The following PRKN variants were observed in gnomAD, a reference collection of about 807,000 sequenced individuals.
PRKN encodes E3 ubiquitin-protein ligase parkin.
A neutral mutation model predicts 59.5 loss-of-function variants in PRKN; 56 were observed. The observed-to-expected ratio is 0.94, with a 90% confidence interval of 0.76 to 1.18. PRKN has a LOEUF of 1.18. Ranked by LOEUF, PRKN falls within the 50% of genes most tolerant of loss-of-function variation. PRKN has a pLI of 0.00. For synonymous variants in PRKN, 250 were observed against 222.1 expected, an observed-to-expected ratio of 1.13 and a Z score of -1.12; for missense variants, 657 against 596.4, an observed-to-expected ratio of 1.10 and a Z score of -1.06.
intron 1 of PRKN, chr6:162,568,587 GAGCAGATCA>G (rs1780184840): frequency 1.2e-6 from 1 of 824,688 alleles, no homozygotes. Flanking sequence ...GAAGGAGAAG[GAGCAGATCA>G]GGACCCTCAA....
At chr6:162,002,592 T>C (rs368196712) in intron 5 of PRKN, among the ~76,000 whole-genome samples, 1 of 134,410 alleles carries the variant, frequency 7.4e-6, no homozygotes. Context: ...TTTTTTTTTT[T>C]GCTTCATTCA....
intron 5 of PRKN, among the ~76,000 whole-genome samples, chr6:161,997,966 C>A (rs192949769): frequency 6.6e-6 from 1 of 152,034 alleles, no homozygotes; most frequent in East Asian, 1.9e-4. Context: ...GCTTTGATGA[C>A]CTTCATAACC....
At chr6:162,009,379 TA>T (rs68154996) in intron 5 of PRKN, among the ~76,000 whole-genome samples, 72,435 of 151,496 alleles carry the variant, frequency 0.48, 17,744 homozygotes, top group East Asian at 0.6. Flanking sequence ...CAGAACACTG[TA>T]CAGAAATTAT....
At chr6:162,388,804 C>T (rs894567897) in intron 2 of PRKN, among the ~76,000 whole-genome samples, 6 of 152,030 alleles carry the variant, frequency 3.9e-5, no homozygotes, top group African/African-American at 1.4e-4. Context: ...AGCATCTGGC[C>T]CAGCATCTGG....
At chr6:162,109,889 T>A (rs1428981516) in intron 4 of PRKN, among the ~76,000 whole-genome samples, 3 of 152,174 alleles carry the variant, frequency 2.0e-5, no homozygotes, top group Admixed American at 1.3e-4. Context: ...ATATACAATA[T>A]CCCCAAGCTT....
chr6:161,695,930 T>C (rs1410901455), intron 7 of PRKN, among the ~76,000 whole-genome samples: 5 of 152,240 alleles, frequency 3.3e-5, no homozygotes, highest in Admixed American at 6.5e-5. Flanking sequence ...TCTGATTACA[T>C]AGTGGACTGG....
intron 9 of PRKN, among the ~76,000 whole-genome samples, chr6:161,522,627 T>C (rs503890): frequency 0.83 from 126,408 of 152,246 alleles, 52,813 homozygotes; most frequent in Middle Eastern, 0.87. Flanking sequence ...GAGAAGTACA[T>C]GACAGAAGAC....
At chr6:162,539,467 C>G (rs1313668244) in intron 1 of PRKN, among the ~76,000 whole-genome samples, 2 of 152,128 alleles carry the variant, frequency 1.3e-5, no homozygotes, top group Non-Finnish European at 2.9e-5. Flanking sequence ...CTCTATTGCA[C>G]CTACAGCTTC....
chr6:161,916,558 G>A (rs990807140), intron 6 of PRKN, among the ~76,000 whole-genome samples: 2 of 152,172 alleles, frequency 1.3e-5, no homozygotes, highest in African/African-American at 4.8e-5. Flanking sequence ...CTGTTATGAG[G>A]CTACTGCAAT....
chr6:162,612,149 C>T (rs547699924), intron 1 of PRKN, among the ~76,000 whole-genome samples: 15 of 143,124 alleles, frequency 1.0e-4, no homozygotes, highest in South Asian at 4.5e-4. Context: ...GCTGAGATCG[C>T]GCCACTGCAC....
intron 1 of PRKN, among the ~76,000 whole-genome samples, chr6:162,616,301 T>G (rs1782414094): frequency 6.6e-6 from 1 of 152,154 alleles, no homozygotes; most frequent in Non-Finnish European, 1.5e-5. Context: ...CTTGCCTACT[T>G]TATTCTTATT....
chr6:162,627,628 G>A (rs371177395), intron 1 of PRKN, among the ~76,000 whole-genome samples: 1 of 152,066 alleles, frequency 6.6e-6, no homozygotes, highest in Non-Finnish European at 1.5e-5. Flanking sequence ...GGTAAAATGG[G>A]GCAGTTAGGC....
chr6:162,216,374 C>CAAAA (rs770518479), intron 3 of PRKN, among the ~76,000 whole-genome samples: 1 of 150,734 alleles, frequency 6.6e-6, no homozygotes, highest in Non-Finnish European at 1.5e-5. Flanking sequence ...ACTAAAAATA[C>CAAAA]AAAAAATTAG....
In PRKN at chr6:161,390,873, G is replaced by A. The variant is rs180924328; in HGVS notation, c.1084-3996C>T. Among the ~76,000 whole-genome samples, 15 of 152,112 alleles carry A rather than the reference G, an allele frequency of 9.9e-5. No homozygotes were observed. The highest frequency in any genetic ancestry group is 7.7e-4 in the East Asian group (4 of 5,182). ...TATCATTTCAGATAACTATTAAGTC[G>A]TTATGACATTAATTCTTACTATGCT... On this transcript the variant is annotated intron_variant, in intron 9 of 11. Transcript: ENST00000366898. The surrounding 1 kb of genome is among the most constrained non-coding windows in gnomAD (Gnocchi z 7.0).
chr6:162,003,577 A>G (rs1232012558), intron 5 of PRKN, among the ~76,000 whole-genome samples: 4 of 152,110 alleles, frequency 2.6e-5, no homozygotes, highest in Non-Finnish European at 4.4e-5. Context: ...GAGTTCAACT[A>G]TGTCCTTACT....
At chr6:161,573,741 AAAAAAAAAAAAAAAATATATATATATAT>A (rs1183329744) in intron 7 of PRKN, among the ~76,000 whole-genome samples, 1 of 42,552 alleles carries the variant, frequency 2.4e-5, no homozygotes, top group African/African-American at 1.3e-4. Context: ...AAAAAAAAAA[AAAAAAAAAAAAAAAATATATATATATAT>A]ATATATATAT....
rs780424226 is a variant in PRKN at position 162,461,499 on chromosome 6, C to CAAAAAAAA, written c.8-18034_8-18027dup. On this transcript the variant is annotated intron_variant, in intron 1 of 11. Coordinates refer to ENST00000366898, the MANE Select transcript of PRKN (RefSeq NM_004562.3). ...CCTGGAGGACAGAGTTAAAGTGTCT[C>CAAAAAAAA]AAAAAAAAAAAAAAAAAAAAAAAAA... is the stretch of plus-strand genomic sequence containing the variant. Among the ~76,000 whole-genome samples the CAAAAAAAA allele has an allele frequency of 5.8e-3, 210 of 36,504 alleles. 1 individual carries two copies. Among genetic ancestry groups the CAAAAAAAA allele is most frequent in the Middle Eastern group, 0.077 (2 of 26 alleles). The allele number at this position is 36,504 out of a possible 152,430, so 23.9% of individuals were successfully genotyped here. A position where few individuals can be genotyped will look rare whatever the true frequency, so the allele number is the denominator to read the frequency against.
At position 162,461,499 on chromosome 6, in the gene PRKN, CAAAAAAAAAAAAAAAA is replaced by C. The variant is rs780424226; in HGVS notation, c.8-18042_8-18027del. Among the ~76,000 whole-genome samples, 24 of 36,518 alleles carry C rather than the reference CAAAAAAAAAAAAAAAA, an allele frequency of 6.6e-4. 1 individual carries two copies. The highest frequency in any genetic ancestry group is 2.3e-3 in the African/African-American group (23 of 9,950). 24.0% of individuals were successfully genotyped at this position (36,518 alleles called of 152,430 possible). On this transcript the variant is annotated intron_variant, in intron 1 of 11. Transcript: ENST00000366898. ...CCTGGAGGACAGAGTTAAAGTGTCT[CAAAAAAAAAAAAAAAA>C]AAAAAAAAAAAAAGAAAGAAAAAGA... is the stretch of plus-strand genomic sequence containing the variant.
chr6:162,131,041 A>G lies in PRKN; in HGVS notation c.534+70090T>C, dbSNP rs137941386. Reference sequence around the variant, plus strand: ...TCTTAAAATTTATATTTCATTCACAATCATTTCTATTTCAAAATCCTTCCT... The same window carrying G: ...TCTTAAAATTTATATTTCATTCACAGTCATTTCTATTTCAAAATCCTTCCT... On this transcript the variant is annotated intron_variant, in intron 4 of 11. Coordinates refer to ENST00000366898, the MANE Select transcript of PRKN (RefSeq NM_004562.3). Among the ~76,000 whole-genome samples the G allele has an allele frequency of 1.1e-3, 161 of 152,270 alleles. 1 individual carries two copies. The Middle Eastern group carries it at 0.014, about 13-fold the overall frequency.
Sources: gnomAD v4.1 joint callset for allele counts (sites outside exome capture counted in the v4.1 genomes callset) on GRCh38, gnomAD v4.1.1 for gene constraint, Gnocchi (gnomAD v3.1) non-coding constraint, MANE v1.5 for transcripts, NCBI Gene and HGNC (gene_info 2026-07-23, HGNC 2026-07-21) for gene names.